ZMYM4: variants seen among roughly 807,000 people sequenced by gnomAD.
The protein encoded by ZMYM4 is zinc finger MYM-type containing 4.
ZMYM4 carries 31 observed loss-of-function variants against 183.2 expected under a neutral mutation model. The observed-to-expected ratio is 0.17, with a 90% CI of 0.13 to 0.23. The LOEUF (loss-of-function observed/expected upper bound fraction) is 0.23, where lower values mean the gene tolerates loss of function less well. Ranked by LOEUF, ZMYM4 falls within the 10% of genes least tolerant of loss-of-function variation. The pLI, the probability that ZMYM4 is intolerant of heterozygous loss-of-function variation, is 1.00. For synonymous variants in ZMYM4, 592 were observed against 631.2 expected (o/e 0.94, Z 0.93); for missense variants, 1,273 against 1,840.3 (o/e 0.69, Z 5.64).
intron 7 of ZMYM4, among the ~76,000 whole-genome samples, chr1:35,377,910 T>G (rs545969636): frequency 3.3e-5 from 5 of 152,342 alleles, no homozygotes; most frequent in Non-Finnish European, 7.4e-5. Flanking sequence ...TGATAGCATT[T>G]TACCCAGAGA....
chr1:35,374,886 C>G (rs1644301882), intron 7 of ZMYM4, among the ~76,000 whole-genome samples: 1 of 152,146 alleles, frequency 6.6e-6, no homozygotes, highest in Admixed American at 6.5e-5. Flanking sequence ...TTATTAGAGA[C>G]AGGTCATTTC....
At chr1:35,290,395 C>G (rs1440511937) in intron 1 of ZMYM4, among the ~76,000 whole-genome samples, 2 of 152,188 alleles carry the variant, frequency 1.3e-5, no homozygotes, top group Non-Finnish European at 2.9e-5. Flanking sequence ...ACATGGTTAA[C>G]ATCACATGTA....
At chr1:35,399,138 G>C (rs1279691046) in intron 22 of ZMYM4, 95 bp downstream of exon 22, 4 of 1,204,434 alleles carry the variant, frequency 3.3e-6, no homozygotes, top group Non-Finnish European at 4.7e-6. Flanking sequence ...AATTGTTATT[G>C]ATAATAACAG....
chr1:35,383,409 C>T (rs1053506909), intron 9 of ZMYM4, among the ~76,000 whole-genome samples: 5 of 151,956 alleles, frequency 3.3e-5, no homozygotes, highest in African/African-American at 9.7e-5. Flanking sequence ...AATTTAATAG[C>T]GTTGATTAGG....
intron 1 of ZMYM4, among the ~76,000 whole-genome samples, chr1:35,307,780 C>T (rs540015111): frequency 1.9e-4 from 29 of 151,704 alleles, no homozygotes; most frequent in Non-Finnish European, 2.2e-4. Context: ...GTGATCTGCC[C>T]GCCTCGGCCT....
intron 1 of ZMYM4, among the ~76,000 whole-genome samples, chr1:35,269,382 C>T (rs1570195766): frequency 7.1e-6 from 1 of 141,810 alleles, no homozygotes; most frequent in African/African-American, 2.5e-5. Flanking sequence ...GTGTCAGATT[C>T]TTAAGTGCAT....
intron 28 of ZMYM4, 27 bp downstream of exon 28, chr1:35,415,741 T>G (rs369750113): frequency 6.2e-7 from 1 of 1,603,092 alleles, no homozygotes; most frequent in South Asian, 1.1e-5. Flanking sequence ...GTCAGATTTC[T>G]CTTTGAAGTC....
At chr1:35,398,380 A>G (rs1258205804) in intron 20 of ZMYM4, 33 bp from the exon 21 acceptor site, 2 of 1,592,164 alleles carry the variant, frequency 1.3e-6, no homozygotes, top group African/African-American at 1.4e-5. Context: ...TTGTCTAAAC[A>G]TAAATTATTT....
intron 2 of ZMYM4, among the ~76,000 whole-genome samples, chr1:35,353,807 G>T (rs1643716185): frequency 6.6e-6 from 1 of 152,158 alleles, no homozygotes; most frequent in Non-Finnish European, 1.5e-5. Context: ...CAGATTTATT[G>T]TGTAAGTACC....
At chr1:35,288,190 T>C (rs992546410) in intron 1 of ZMYM4, among the ~76,000 whole-genome samples, 7 of 152,368 alleles carry the variant, frequency 4.6e-5, no homozygotes, top group African/African-American at 1.4e-4. Context: ...GTACTCATTT[T>C]GCATGTTTTG....
At chr1:35,398,725 C>A in intron 21 of ZMYM4, 139 bp from the exon 22 acceptor site, 1 of 878,980 alleles carries the variant, frequency 1.1e-6, no homozygotes, top group East Asian at 2.6e-5. Flanking sequence ...AACAAGTTAC[C>A]TCATTCTTGA....
chr1:35,411,375 T>C (rs978233765), intron 26 of ZMYM4, among the ~76,000 whole-genome samples: 27 of 151,898 alleles, frequency 1.8e-4, no homozygotes, highest in Admixed American at 2.6e-4. Flanking sequence ...CAGGATGGTC[T>C]CGATCTCATG....
chr1:35,412,190 A>C (rs977226535), intron 26 of ZMYM4, among the ~76,000 whole-genome samples: 2 of 151,364 alleles, frequency 1.3e-5, no homozygotes, highest in Admixed American at 6.6e-5. Context: ...GACTTTCTTA[A>C]TTTCCTGTTT....
chr1:35,309,894 A>G (rs1641713603), intron 1 of ZMYM4, among the ~76,000 whole-genome samples: 1 of 147,774 alleles, frequency 6.8e-6, no homozygotes, highest in Non-Finnish European at 1.5e-5. Flanking sequence ...AAACTTAAGT[A>G]TTTTGTGGGG....
intron 9 of ZMYM4, among the ~76,000 whole-genome samples, chr1:35,384,850 T>C (rs1644541121): frequency 6.7e-6 from 1 of 149,686 alleles, no homozygotes; most frequent in African/African-American, 2.4e-5. Flanking sequence ...TCTTTTTTTT[T>C]TTTTTTTTTG....
intron 23 of ZMYM4, 51 bp downstream of exon 23, chr1:35,399,627 C>G (rs1644867545): frequency 6.3e-7 from 1 of 1,589,790 alleles, no homozygotes. Flanking sequence ...ATTCTACAAG[C>G]ATTATTTAGT....
chr1:35,276,061 C>T (rs1164145729), intron 1 of ZMYM4, among the ~76,000 whole-genome samples: 1 of 152,104 alleles, frequency 6.6e-6, no homozygotes, highest in Non-Finnish European at 1.5e-5. Context: ...GTCTATCCAG[C>T]GTATAGAACC....
Position 35,381,377 on chromosome 1 carries a change from A to G in ZMYM4, c.1300A>G (p.Thr434Ala). The G allele has an allele frequency of 6.2e-7, 1 of 1,612,242 alleles. No individual in the cohort carries two copies. The highest frequency in any genetic ancestry group is 8.5e-7 in the Non-Finnish European group (1 of 1,179,184). ...TGAACTGAAAAAAAAACCTATTGTT[A>G]CCATAAATACAAATAGTATTTCAAC... Reference protein sequence around the residue: ...TYELKKKPIVTINTNSISTKC... With the variant: ...TYELKKKPIVAINTNSISTKC... Residue 434 changes from threonine (T) to alanine (A), a missense_variant, in exon 8 of 30, where the codon ACC (threonine) becomes GCC (alanine). Physicochemically the swap from Thr to Ala is moderately conservative, Grantham distance 58 (BLOSUM62 0). This residue lies in a region of ZMYM4 where 319 missense variants were observed against 518.1 expected (regional missense o/e 0.62). Transcript: ENST00000314607.
intron 1 of ZMYM4, among the ~76,000 whole-genome samples, chr1:35,273,720 G>A (rs1639729224): frequency 1.3e-5 from 2 of 152,182 alleles, no homozygotes; most frequent in South Asian, 4.1e-4. Flanking sequence ...ATTTGTGTCT[G>A]TATATGCTTG....
Sources: gnomAD v4.1 joint callset for allele counts (sites outside exome capture counted in the v4.1 genomes callset) on GRCh38, gnomAD v4.1.1 for gene constraint, gnomAD v4.1.1 regional missense constraint, MANE v1.5 for transcripts, NCBI Gene and HGNC (gene_info 2026-07-23, HGNC 2026-07-21) for gene names.